The following CTNS variants were observed in gnomAD, a reference collection of about 807,000 sequenced individuals.
CTNS encodes the protein cystinosin.
In CTNS, 27 loss-of-function variants were observed where a neutral mutation model predicts 43.7. The observed-to-expected ratio is 0.62, with a 90% CI of 0.46 to 0.85. The LOEUF is 0.85. CTNS is among the 40% of genes least tolerant of loss of function. CTNS has a pLI of 0.00. For synonymous variants in CTNS, 187 were observed against 190.6 expected, an observed-to-expected ratio of 0.98 and a Z score of 0.16; for missense variants, 457 against 475.4, an observed-to-expected ratio of 0.96 and a Z score of 0.36.
chr17:3,637,713 C>T (rs1184405527), intron 2 of CTNS, among the ~76,000 whole-genome samples: 2 of 152,060 alleles, frequency 1.3e-5, no homozygotes, highest in African/African-American at 4.8e-5. Flanking sequence ...GTGATGCGCT[C>T]ACCTCGGCCT....
chr17:3,650,553 G>A, intron 5 of CTNS: 1 of 434,316 alleles, frequency 2.3e-6, no homozygotes, highest in Non-Finnish European at 3.9e-6. Flanking sequence ...GGAGTGTCCA[G>A]CTAAGAGGAC....
In CTNS at chr17:3,660,928, T is replaced by G; in HGVS notation, c.*559T>G. On this transcript the variant is annotated 3_prime_UTR_variant, in exon 12 of 12. Coordinates refer to ENST00000046640, the MANE Select transcript of CTNS (RefSeq NM_004937.3). ...CTGTACATAACTCAGCGTCCGTGAC[T>G]GCAGTAACAGCCAGCCCTACCCAGA... is the stretch of plus-strand genomic sequence containing the variant. 1 of 796,172 alleles carries G rather than the reference T, an allele frequency of 1.3e-6. No homozygotes were observed. The highest frequency in any genetic ancestry group is 1.7e-5 in the South Asian group (1 of 60,192). The allele number at this position is 796,172 out of a possible 1,614,324, so 49.3% of individuals were successfully genotyped here. A position where few individuals can be genotyped will look rare whatever the true frequency, so the allele number is the denominator to read the frequency against.
In CTNS at chr17:3,657,548, G is replaced by A. The variant is rs1004001636; in HGVS notation, c.682-457G>A. On this transcript the variant is annotated intron_variant, in intron 9 of 11. Coordinates refer to ENST00000046640, the MANE Select transcript of CTNS (RefSeq NM_004937.3). ...AGTGAAGGTGGCCCACATTGGGCCC[G>A]TGTTCAGGGAAAGGCAAGGCGAGGG... 27 of 243,530 alleles carry A rather than the reference G, an allele frequency of 1.1e-4. 1 individual carries two copies. Among genetic ancestry groups the A allele is most frequent in the Admixed American group, 1.5e-4 (3 of 19,574 alleles). The allele number at this position is 243,530 out of a possible 1,614,324, so 15.1% of individuals were successfully genotyped here. A position where few individuals can be genotyped will look rare whatever the true frequency, so the allele number is the denominator to read the frequency against.
chr17:3,653,382 C>G (rs2076037663), intron 5 of CTNS, among the ~76,000 whole-genome samples: 1 of 152,158 alleles, frequency 6.6e-6, no homozygotes, highest in Non-Finnish European at 1.5e-5. Context: ...CACTGCATTC[C>G]AGACTGGCAA....
intron 7 of CTNS, 21 bp downstream of exon 7, chr17:3,655,373 T>G (rs760723495): frequency 6.2e-7 from 1 of 1,613,674 alleles, no homozygotes; most frequent in South Asian, 1.1e-5. Context: ...GGGCCGTATG[T>G]GCAGGCTCTC....
rs780255290 is a variant in CTNS, at chr17:3,656,610, C to T, written c.561+24C>T. The stretch of plus-strand genomic sequence containing the variant: ...AGGTACGGCCTTGCCTGCCCTACAT[C>T]TCTGCCCACATGGCGTGGTGGCCCG... On this transcript the variant is annotated intron_variant, in intron 8 of 11. Transcript: ENST00000046640. 1.3e-5 allele frequency: 21 copies of T among 1,612,456 alleles called. No individual in the cohort carries two copies. The South Asian group carries it at 2.3e-4, about 18-fold the overall frequency.
At chr17:3,650,262 CT>C in intron 5 of CTNS, 1 of 1,550,306 alleles carries the variant, frequency 6.5e-7, no homozygotes, top group Non-Finnish European at 8.7e-7. Flanking sequence ...TCTGAGCCCC[CT>C]AGGAAGCAAA....
chr17:3,646,338 T>G (rs1597616821), intron 3 of CTNS, among the ~76,000 whole-genome samples: 2 of 149,622 alleles, frequency 1.3e-5, no homozygotes, highest in African/African-American at 2.4e-5. Context: ...TTGCCCAGGC[T>G]GGAATGCAGT....
In CTNS at chr17:3,660,925, G is replaced by A. The variant is rs2076266888; in HGVS notation, c.*556G>A. The stretch of plus-strand genomic sequence containing the variant: ...TCTCTGTACATAACTCAGCGTCCGT[G>A]ACTGCAGTAACAGCCAGCCCTACCC... On this transcript the variant is annotated 3_prime_UTR_variant, in exon 12 of 12. Coordinates refer to ENST00000046640, the MANE Select transcript of CTNS (RefSeq NM_004937.3). 2.5e-6 allele frequency: 2 copies of A among 815,804 alleles called. No individual in the cohort carries two copies. The highest frequency in any genetic ancestry group is 1.7e-5 in the African/African-American group (1 of 59,084). The allele number at this position is 815,804 out of a possible 1,614,324, so 50.5% of individuals were successfully genotyped here. A position where few individuals can be genotyped will look rare whatever the true frequency, so the allele number is the denominator to read the frequency against.
At chr17:3,646,758 C>A (rs1195293522) in intron 3 of CTNS, among the ~76,000 whole-genome samples, 2 of 146,972 alleles carry the variant, frequency 1.4e-5, no homozygotes, top group East Asian at 2.1e-4. Context: ...TTCTAAGACC[C>A]TAAGACCCAG....
At chr17:3,654,707 C>T (rs1159872549) in intron 5 of CTNS, among the ~76,000 whole-genome samples, 2 of 150,764 alleles carry the variant, frequency 1.3e-5, no homozygotes, top group African/African-American at 4.9e-5. Flanking sequence ...AGGAAAGTCT[C>T]ACTCAGGCCA....
rs1567719825 is a variant in CTNS, at chr17:3,662,494, A to G, written c.*2125A>G. On this transcript the variant is annotated 3_prime_UTR_variant, in exon 12 of 12. Coordinates refer to ENST00000046640, the MANE Select transcript of CTNS (RefSeq NM_004937.3). The stretch of plus-strand genomic sequence containing the variant: ...GGGGTTGTGTCCCTCGCTGGGATAC[A>G]CGGAGTGCCCTTATAGGCAGGGAGT... 6.6e-6 allele frequency among the ~76,000 whole-genome samples: 1 copy of G among 152,080 alleles called. No individual in the cohort carries two copies. Among genetic ancestry groups the G allele is most frequent in the Admixed American group, 6.5e-5 (1 of 15,274 alleles).
At chr17:3,636,596 T>G, upstream of CTNS, 1 of 217,080 alleles carries the variant, frequency 4.6e-6, no homozygotes, top group Non-Finnish European at 9.2e-6. Flanking sequence ...CCCCGATCTC[T>G]GCGCCCCGGC....
intron 5 of CTNS, among the ~76,000 whole-genome samples, chr17:3,651,780 C>T (rs1348454603): frequency 6.6e-6 from 1 of 151,840 alleles, no homozygotes; most frequent in Non-Finnish European, 1.5e-5. Flanking sequence ...CAAGACCAGC[C>T]TGGCCAACAT....
At chr17:3,654,584 G>A (rs2150918072) in intron 5 of CTNS, among the ~76,000 whole-genome samples, 1 of 152,060 alleles carries the variant, frequency 6.6e-6, no homozygotes, top group Admixed American at 6.5e-5. Context: ...AGGAGCCTAA[G>A]GCAGGAGAAC....
intron 4 of CTNS, among the ~76,000 whole-genome samples, chr17:3,647,806 G>A (rs1439296616): frequency 2.6e-5 from 4 of 152,190 alleles, no homozygotes; most frequent in Non-Finnish European, 4.4e-5. Flanking sequence ...CTGTGTGACC[G>A]GTGTTGAGGC....
chr17:3,650,091 C>T, intron 5 of CTNS: 1 of 1,485,238 alleles, frequency 6.7e-7, no homozygotes, highest in Non-Finnish European at 9.0e-7. Flanking sequence ...TTAGTCATTT[C>T]ACAATGTATG....
rs1365879359 is a variant in CTNS, at chr17:3,661,769, C to T, written c.*1400C>T. On this transcript the variant is annotated 3_prime_UTR_variant, in exon 12 of 12. Coordinates refer to ENST00000046640, the MANE Select transcript of CTNS (RefSeq NM_004937.3). Reference sequence around the variant, plus strand: ...TGTCTTCACGGTTACCAGGGCACGCCACTCAATCTGGATGTGAGCCGGGGT... The same window carrying T: ...TGTCTTCACGGTTACCAGGGCACGCTACTCAATCTGGATGTGAGCCGGGGT... Among the ~76,000 whole-genome samples the T allele has an allele frequency of 3.3e-5, 5 of 152,218 alleles. No homozygotes were observed. Among genetic ancestry groups the T allele is most frequent in the African/African-American group, 1.2e-4 (5 of 41,454 alleles).
chr17:3,662,246 G>A lies in CTNS; in HGVS notation c.*1877G>A, dbSNP rs1489466507. 1.3e-5 allele frequency among the ~76,000 whole-genome samples: 2 copies of A among 151,908 alleles called. No individual in the cohort carries two copies. Among genetic ancestry groups the A allele is most frequent in the Non-Finnish European group, 2.9e-5 (2 of 68,004 alleles). On this transcript the variant is annotated 3_prime_UTR_variant, in exon 12 of 12. Coordinates refer to ENST00000046640, the MANE Select transcript of CTNS (RefSeq NM_004937.3). ...GAATTACTTGAACCCAGGAGGCGGAGGTTGCAGTGAGCGAAGATCACGCCA... is the reference window on the plus strand; with the variant it reads ...GAATTACTTGAACCCAGGAGGCGGAAGTTGCAGTGAGCGAAGATCACGCCA...
Sources: gnomAD v4.1 joint callset for allele counts (sites outside exome capture counted in the v4.1 genomes callset) on GRCh38, gnomAD v4.1.1 for gene constraint, MANE v1.5 for transcripts, NCBI Gene and HGNC (gene_info 2026-07-23, HGNC 2026-07-21) for gene names.